The following CEP128 variants were observed in gnomAD, a reference collection of about 807,000 sequenced individuals.
CEP128 encodes the protein centrosomal protein 128, also known as centrosomal protein 128kDa.
CEP128 carries 132 observed loss-of-function variants against 156.7 expected under a neutral mutation model. The ratio of observed to expected loss-of-function variants is 0.84; its 90% CI spans 0.73 to 0.97. The LOEUF (loss-of-function observed/expected upper bound fraction) is 0.97. Ranked by LOEUF, CEP128 falls within the 50% of genes least tolerant of loss-of-function variation. CEP128 has a pLI of 0.00. For synonymous variants in CEP128, 469 were observed against 448.9 expected, an observed-to-expected ratio of 1.04 and a Z score of -0.57; for missense variants, 1,252 against 1,281.9, an observed-to-expected ratio of 0.98 and a Z score of 0.36.
At chr14:80,518,565 G>A (rs1387901020) in intron 23 of CEP128, among the ~76,000 whole-genome samples, 1 of 152,086 alleles carries the variant, frequency 6.6e-6, no homozygotes, top group Non-Finnish European at 1.5e-5. Context: ...AAAAAGGAAT[G>A]TTAAAATCTC....
intron 19 of CEP128, among the ~76,000 whole-genome samples, chr14:80,652,542 A>G (rs1005955522): frequency 3.9e-5 from 6 of 152,206 alleles, no homozygotes; most frequent in African/African-American, 1.4e-4. Flanking sequence ...ATATGAACAG[A>G]CACTTCTCAA....
intron 6 of CEP128, among the ~76,000 whole-genome samples, chr14:80,904,213 T>C (rs1426185546): frequency 1.3e-5 from 2 of 151,708 alleles, no homozygotes; most frequent in Non-Finnish European, 2.9e-5. Flanking sequence ...CTGAAGACAT[T>C]ATGTTAAGTA....
At chr14:80,550,680 C>T (rs1391635653) in intron 21 of CEP128, among the ~76,000 whole-genome samples, 5 of 150,788 alleles carry the variant, frequency 3.3e-5, no homozygotes, top group South Asian at 4.2e-4. Context: ...ATATGAATAT[C>T]GAGAAAAATT....
chr14:80,596,725 ATCACT>A (rs36232394), intron 19 of CEP128, among the ~76,000 whole-genome samples: 38,117 of 146,310 alleles, frequency 0.26, 5,499 homozygotes, highest in African/African-American at 0.39. Context: ...AGGCAGAAGG[ATCACT>A]TCACTTGAGC....
intron 19 of CEP128, among the ~76,000 whole-genome samples, chr14:80,729,548 C>T (rs1423140991): frequency 2.0e-5 from 3 of 152,030 alleles, no homozygotes; most frequent in South Asian, 2.1e-4. Flanking sequence ...GTAGATGCCC[C>T]GTAGTGAGAC....
intron 21 of CEP128, among the ~76,000 whole-genome samples, chr14:80,531,370 T>C (rs1214621653): frequency 1.3e-5 from 2 of 152,062 alleles, no homozygotes; most frequent in African/African-American, 4.8e-5. Flanking sequence ...AGAGGAGTGG[T>C]TCTCAAGATT....
intron 18 of CEP128, among the ~76,000 whole-genome samples, chr14:80,756,526 C>T (rs1349032496): frequency 2.6e-5 from 4 of 152,084 alleles, no homozygotes; most frequent in Non-Finnish European, 2.9e-5. Context: ...TGCTTTTTTC[C>T]AGAAGCTGTC....
At chr14:80,746,172 G>A (rs1423996645) in intron 18 of CEP128, among the ~76,000 whole-genome samples, 3 of 152,148 alleles carry the variant, frequency 2.0e-5, no homozygotes, top group Admixed American at 6.5e-5. Flanking sequence ...CTAATCTACA[G>A]ATTCAACAGG....
At chr14:80,867,842 A>AGGAT (rs1423825478) in intron 8 of CEP128, among the ~76,000 whole-genome samples, 1 of 152,114 alleles carries the variant, frequency 6.6e-6, no homozygotes, top group South Asian at 2.1e-4. Flanking sequence ...GAAAAAGAAC[A>AGGAT]CCCAGATCCT....
chr14:80,561,913 T>TATATATATA (rs1566781226), intron 20 of CEP128, among the ~76,000 whole-genome samples: 2 of 148,496 alleles, frequency 1.3e-5, no homozygotes, highest in African/African-American at 2.5e-5. Context: ...TATATATATA[T>TATATATATA]TTGTTTTGTT....
chr14:80,650,106 T>C (rs192859008), intron 19 of CEP128, among the ~76,000 whole-genome samples: 1 of 152,322 alleles, frequency 6.6e-6, no homozygotes, highest in East Asian at 1.9e-4. Flanking sequence ...CTGTGGTTTG[T>C]AGTTCTCCTT....
At chr14:80,700,417 C>G (rs1897035048) in intron 19 of CEP128, among the ~76,000 whole-genome samples, 1 of 151,694 alleles carries the variant, frequency 6.6e-6, no homozygotes, top group African/African-American at 2.4e-5. Flanking sequence ...AGATGCGCGT[C>G]ATTAATAGGT....
At chr14:80,674,278 A>T (rs2140941265) in intron 19 of CEP128, among the ~76,000 whole-genome samples, 1 of 152,286 alleles carries the variant, frequency 6.6e-6, no homozygotes, top group East Asian at 1.9e-4. Flanking sequence ...GAGTACAATA[A>T]GCAGTCCATG....
intron 21 of CEP128, among the ~76,000 whole-genome samples, chr14:80,539,836 G>C (rs1889661219): frequency 6.6e-6 from 1 of 152,070 alleles, no homozygotes; most frequent in Admixed American, 6.6e-5. Flanking sequence ...TGCATTCCTG[G>C]GGGGAGGTCT....
Position 80,496,704 on chromosome 14 carries a change from G to A in CEP128, c.*775C>T, listed in dbSNP as rs1887509676. The A allele has an allele frequency of 6.6e-6, 1 of 152,108 alleles. No individual in the cohort carries two copies. The highest frequency in any genetic ancestry group is 2.1e-4 in the South Asian group (1 of 4,818). The allele number at this position is 152,108 out of a possible 1,614,324, so 9.4% of individuals were successfully genotyped here. Reference sequence around the variant, plus strand: ...ATACAAGATTATATATAAATCTCATGGACAAAGGAGTTTGGTGCTATGATT... The same window carrying A: ...ATACAAGATTATATATAAATCTCATAGACAAAGGAGTTTGGTGCTATGATT... On this transcript the variant is annotated 3_prime_UTR_variant, in exon 25 of 25. Coordinates refer to ENST00000555265, the MANE Select transcript of CEP128 (RefSeq NM_152446.5).
chr14:80,870,718 T>A (rs1280375885), intron 8 of CEP128, among the ~76,000 whole-genome samples: 1 of 151,912 alleles, frequency 6.6e-6, no homozygotes, highest in African/African-American at 2.4e-5. Flanking sequence ...ACACTTCCAT[T>A]CAACGTAGTA....
intron 19 of CEP128, among the ~76,000 whole-genome samples, chr14:80,733,486 A>G (rs1186772685): frequency 2.6e-5 from 4 of 152,108 alleles, no homozygotes; most frequent in African/African-American, 9.7e-5. Flanking sequence ...AGGAATGAAT[A>G]TATGACAAAC....
downstream of CEP128, among the ~76,000 whole-genome samples, chr14:80,491,638 T>C (rs140115769): frequency 6.9e-4 from 105 of 152,160 alleles, no homozygotes; most frequent in East Asian, 0.018. Context: ...AAATCCAAAA[T>C]GACAGACAAG....
At chr14:80,616,867 G>C (rs910726030) in intron 19 of CEP128, among the ~76,000 whole-genome samples, 1 of 152,164 alleles carries the variant, frequency 6.6e-6, no homozygotes, top group African/African-American at 2.4e-5. Flanking sequence ...AACAAAAAAA[G>C]AGAAAGCTGA....
Sources: gnomAD v4.1 joint callset for allele counts (sites outside exome capture counted in the v4.1 genomes callset) on GRCh38, gnomAD v4.1.1 for gene constraint, MANE v1.5 for transcripts, NCBI Gene and HGNC (gene_info 2026-07-23, HGNC 2026-07-21) for gene names.